The following PAX3 variants were observed in gnomAD, a reference collection of about 807,000 sequenced individuals.
The protein encoded by PAX3 is paired box 3, also known as paired box protein Pax-3.
Under a neutral mutation model 51.6 loss-of-function variants are expected in PAX3, and 14 were observed. That is an observed-to-expected ratio of 0.27 (90% CI 0.18 to 0.42). The LOEUF (loss-of-function observed/expected upper bound fraction) is 0.42. Among genes scored for constraint, PAX3 ranks in the 10% least tolerant of loss-of-function variants. The pLI is 1.00. For missense variants in PAX3, 540 were observed against 642.8 expected (o/e 0.84, Z 1.73); for synonymous variants, 280 against 253.4 (o/e 1.11, Z -1.00).
Position 222,298,705 on chromosome 2 carries a change from G to C in PAX3, c.-90C>G. On this transcript the variant is annotated 5_prime_UTR_variant, in exon 1 of 9. Coordinates refer to ENST00000392070, the MANE Select transcript of PAX3 (RefSeq NM_181458.4). ...GCGGATGACCCTCGGGAACTATCCG[G>C]AGCGTGGAGAGCCCCTCCCCAAAAC... 1 of 1,250,874 alleles carries C rather than the reference G, an allele frequency of 8.0e-7. No individual in the cohort carries two copies. Among genetic ancestry groups the C allele is most frequent in the South Asian group, 1.3e-5 (1 of 78,030 alleles). The allele number at this position is 1,250,874 out of a possible 1,614,324, so 77.5% of individuals were successfully genotyped here. A position where few individuals can be genotyped will look rare whatever the true frequency, so the allele number is the denominator to read the frequency against.
intron 4 of PAX3, among the ~76,000 whole-genome samples, chr2:222,269,656 TAA>T (rs36114578): frequency 6.9e-4 from 99 of 142,902 alleles, no homozygotes; most frequent in Middle Eastern, 3.6e-3. Context: ...CACCTTTCCA[TAA>T]AAAAAAAAAA....
intron 4 of PAX3, among the ~76,000 whole-genome samples, chr2:222,260,591 GTTTTTTTTTTT>G (rs374339768): frequency 1.6e-5 from 1 of 63,092 alleles, no homozygotes. Flanking sequence ...TTTTTTTTTT[GTTTTTTTTTTT>G]TTTTTTTGAG....
intron 7 of PAX3, among the ~76,000 whole-genome samples, chr2:222,206,684 A>C (rs1427331426): frequency 6.6e-6 from 1 of 152,170 alleles, no homozygotes; most frequent in Non-Finnish European, 1.5e-5. Context: ...GCTCCATGCC[A>C]TATTTCTCTT....
At chr2:222,268,623 C>T (rs1024359605) in intron 4 of PAX3, among the ~76,000 whole-genome samples, 1 of 152,112 alleles carries the variant, frequency 6.6e-6, no homozygotes, top group East Asian at 1.9e-4. Flanking sequence ...CTCGTTTCCA[C>T]GGGGGGTTGG....
At chr2:222,223,292 A>G (rs923346513) in intron 5 of PAX3, among the ~76,000 whole-genome samples, 2 of 152,192 alleles carry the variant, frequency 1.3e-5, no homozygotes, top group Non-Finnish European at 2.9e-5. Flanking sequence ...ATACTCCTTA[A>G]GTTTCCAACA....
intron 4 of PAX3, among the ~76,000 whole-genome samples, chr2:222,251,827 T>C (rs1030014213): frequency 1.3e-5 from 2 of 152,222 alleles, no homozygotes; most frequent in Admixed American, 6.5e-5. Context: ...TGGTATCTCA[T>C]TGTGGTTTTG....
rs1476050592 is a variant in PAX3, at chr2:222,201,205, C to G, written c.*203G>C. ...CTCCAGGTCTTCCTCTTCTCCACTG[C>G]TTTTGTCGAACGTGTTCAAAAGGAT... On this transcript the variant is annotated 3_prime_UTR_variant, in exon 9 of 9. Transcript: ENST00000392070. 6.2e-7 allele frequency: 1 copy of G among 1,613,922 alleles called. No homozygotes were observed. The highest frequency in any genetic ancestry group is 1.7e-5 in the Admixed American group (1 of 59,986).
intron 4 of PAX3, among the ~76,000 whole-genome samples, chr2:222,237,985 T>A (rs1692863426): frequency 6.6e-6 from 1 of 152,214 alleles, no homozygotes. Flanking sequence ...TTCAACTCTG[T>A]GCTTTATAAG....
chr2:222,220,104 T>C (rs1226062319), intron 7 of PAX3, 36 bp downstream of exon 7: 2 of 1,561,356 alleles, frequency 1.3e-6, no homozygotes, highest in African/African-American at 1.4e-5. Flanking sequence ...GGTTCTGGTA[T>C]ACAGCAAATC....
chr2:222,250,282 C>T (rs1354247142), intron 4 of PAX3, among the ~76,000 whole-genome samples: 1 of 152,060 alleles, frequency 6.6e-6, no homozygotes. Flanking sequence ...GAAGTAGTTC[C>T]ATTATTGGGA....
chr2:222,263,701 A>G (rs1693945586), intron 4 of PAX3: 1 of 152,188 alleles, frequency 6.6e-6, no homozygotes, highest in Non-Finnish European at 1.5e-5. Context: ...ATAATGACCA[A>G]AACAAGGAAA....
At chr2:222,268,554 A>G (rs1297521917) in intron 4 of PAX3, among the ~76,000 whole-genome samples, 2 of 152,150 alleles carry the variant, frequency 1.3e-5, no homozygotes, top group Non-Finnish European at 2.9e-5. Context: ...AGGGTGTTTC[A>G]ATAACCAGGC....
At chr2:222,242,166 A>G (rs994249543) in intron 4 of PAX3, among the ~76,000 whole-genome samples, 6 of 152,196 alleles carry the variant, frequency 3.9e-5, no homozygotes, top group African/African-American at 1.4e-4. Context: ...TGTTTTTGTT[A>G]CTACAACTGA....
At chr2:222,245,315 T>C (rs56035050) in intron 4 of PAX3, among the ~76,000 whole-genome samples, 17,719 of 152,234 alleles carry the variant, frequency 0.12, 1,270 homozygotes, top group East Asian at 0.32. Flanking sequence ...TTGATTTTCA[T>C]GGGGAAAACC....
chr2:222,208,381 C>A (rs1179647208), intron 7 of PAX3, among the ~76,000 whole-genome samples: 3 of 152,034 alleles, frequency 2.0e-5, no homozygotes, highest in African/African-American at 4.8e-5. Context: ...GAGGGACTGA[C>A]AGAGTCCTGA....
chr2:222,252,249 T>C (rs1207144753), intron 4 of PAX3, among the ~76,000 whole-genome samples: 1 of 152,200 alleles, frequency 6.6e-6, no homozygotes, highest in Admixed American at 6.5e-5. Context: ...AAGCCAAAAA[T>C]ATTCACTATA....
intron 5 of PAX3, 111 bp from the exon 6 acceptor site, chr2:222,221,498 G>A (rs1692190761): frequency 3.0e-6 from 3 of 988,154 alleles, no homozygotes; most frequent in African/African-American, 3.2e-5. Context: ...AGGGCAAATA[G>A]ATGCAAGAGT....
In PAX3 at chr2:222,274,313, A is replaced by G. The variant is rs368851810; in HGVS notation, c.586+19854T>C. Among the ~76,000 whole-genome samples, 9 of 152,106 alleles carry G rather than the reference A, an allele frequency of 5.9e-5. No homozygotes were observed. In the South Asian group the frequency reaches 1.2e-3, roughly 21 times the overall value. ...TTTCATTTTAGCATTTGTTGATTTC[A>G]GTTCCCTTAAGGAGTATAAATTTAT... On this transcript the variant is annotated intron_variant, in intron 4 of 8. Coordinates refer to ENST00000392070, the MANE Select transcript of PAX3 (RefSeq NM_181458.4).
rs1695251963 is a variant in PAX3 at position 222,295,558 on chromosome 2, C to T, written c.421G>A (p.Ala141Thr). 2 of 1,614,218 alleles carry T rather than the reference C, an allele frequency of 1.2e-6. No homozygotes were observed. Among genetic ancestry groups the T allele is most frequent in the South Asian group, 1.1e-5 (1 of 91,090 alleles). ...GGCACGGTGTTTCGATCACAGACCGCGTCCTTGAGTAATTTGTCTCGGATT... is the reference window on the plus strand; with the variant it reads ...GGCACGGTGTTTCGATCACAGACCGTGTCCTTGAGTAATTTGTCTCGGATT... ...WEIRDKLLKD[A>T]VCDRNTVPSV... Residue 141 changes from alanine to threonine, a missense_variant, in exon 3 of 9, where the codon GCG becomes ACG. By Grantham distance (58) the Ala-to-Thr change is moderately conservative. Transcript: ENST00000392070.
Sources: allele counts gnomAD v4.1 joint callset (sites outside exome capture counted in the v4.1 genomes callset), GRCh38; gene constraint gnomAD v4.1.1; transcripts MANE v1.5; gene names NCBI Gene and HGNC (gene_info 2026-07-23, HGNC 2026-07-21).